DNAAF4: variants seen among roughly 807,000 people sequenced by gnomAD.
The protein encoded by DNAAF4 is dynein assembly factor 4, axonemal.
A neutral mutation model predicts 51.8 loss-of-function variants in DNAAF4; 43 were observed. That is an observed-to-expected ratio of 0.83 (90% CI 0.65 to 1.07). The LOEUF is 1.07. Ranked by LOEUF, DNAAF4 falls within the 50% of genes least tolerant of loss-of-function variation. DNAAF4 has a pLI of 0.00. For missense variants in DNAAF4, 581 were observed against 493.0 expected (o/e 1.18, Z -1.69); for synonymous variants, 194 against 165.6 (o/e 1.17, Z -1.32).
intron 7 of DNAAF4, among the ~76,000 whole-genome samples, chr15:55,435,399 T>C (rs904358333): frequency 5.3e-5 from 8 of 152,180 alleles, no homozygotes; most frequent in African/African-American, 1.7e-4. Flanking sequence ...AGTTGAAGAA[T>C]GAAAAGTTGG....
At chr15:55,488,201 C>A (rs986688024) in intron 4 of DNAAF4, among the ~76,000 whole-genome samples, 1 of 151,670 alleles carries the variant, frequency 6.6e-6, no homozygotes, top group Admixed American at 6.6e-5. Context: ...CCCTACCAGA[C>A]CTTGATCTAT....
intron 3 of DNAAF4, among the ~76,000 whole-genome samples, chr15:55,496,065 C>G (rs144685980): frequency 0.01 from 1,545 of 152,200 alleles, 21 homozygotes; most frequent in African/African-American, 0.035. Flanking sequence ...CTTGTCTCTA[C>G]TAAAAAATAC....
At chr15:55,456,413 T>G (rs1397328312) in intron 5 of DNAAF4, among the ~76,000 whole-genome samples, 2 of 152,130 alleles carry the variant, frequency 1.3e-5, no homozygotes, top group African/African-American at 4.8e-5. Flanking sequence ...TTTAATATTC[T>G]AAAATTAGAT....
chr15:55,455,119 C>T (rs200438690), intron 5 of DNAAF4, among the ~76,000 whole-genome samples: 4 of 141,386 alleles, frequency 2.8e-5, no homozygotes, highest in African/African-American at 1.0e-4. Context: ...GAAACTGAAT[C>T]TTTTTTTTTT....
chr15:55,433,823 TA>T (rs2057540180), intron 8 of DNAAF4, among the ~76,000 whole-genome samples: 1 of 86,046 alleles, frequency 1.2e-5, no homozygotes, highest in African/African-American at 4.4e-5. Context: ...ATATATATTA[TA>T]TATATTACAT....
intron 4 of DNAAF4, 178 bp downstream of exon 4, chr15:55,490,945 C>T (rs940631014): frequency 3.2e-6 from 2 of 618,394 alleles, no homozygotes; most frequent in African/African-American, 1.9e-5. Context: ...CAGAGTGAGA[C>T]TCGGTCTCAA....
chr15:55,460,440 A>C (rs912922194), intron 5 of DNAAF4, among the ~76,000 whole-genome samples: 3 of 152,110 alleles, frequency 2.0e-5, no homozygotes, highest in African/African-American at 4.8e-5. Context: ...TCGGCCTCCC[A>C]AAGTGCTGAG....
At chr15:55,468,109 T>C (rs1344496493) in intron 4 of DNAAF4, among the ~76,000 whole-genome samples, 4 of 152,222 alleles carry the variant, frequency 2.6e-5, no homozygotes, top group Admixed American at 6.5e-5. Flanking sequence ...GAATTTTTAA[T>C]GTTATTTAAG....
At chr15:55,440,065 AT>A (rs539658755) in intron 6 of DNAAF4, among the ~76,000 whole-genome samples, 189 of 146,846 alleles carry the variant, frequency 1.3e-3, no homozygotes, top group South Asian at 5.6e-3. Context: ...GATGGTGGTA[AT>A]TTTTTTTTTT....
Position 55,467,100 on chromosome 15 carries a change from G to C in DNAAF4, c.467C>G (p.Thr156Ser), listed in dbSNP as rs111976189. 1.6e-5 allele frequency: 25 copies of C among 1,546,098 alleles called. 1 individual carries two copies. In the African/African-American group the frequency reaches 1.8e-4, roughly 11 times the overall value. Reference sequence around the variant, plus strand: ...TTCTTTCCAGGCTTCCAATGCTTTAGTGGCTTTTATCCGTTCATTTTCTTT... The same window carrying C: ...TTCTTTCCAGGCTTCCAATGCTTTACTGGCTTTTATCCGTTCATTTTCTTT... ...DMKENERIKA[T>S]KALEAWKEYQ... Residue 156 changes from threonine (T) to serine (S), a missense_variant, in exon 5 of 10, where the codon ACT (threonine) becomes AGT (serine). Physicochemically the swap from Thr to Ser is moderately conservative, Grantham distance 58. Coordinates refer to ENST00000321149, the MANE Select transcript of DNAAF4 (RefSeq NM_130810.4).
Position 55,498,458 on chromosome 15 carries a change from T to G in DNAAF4, c.-129A>C, listed in dbSNP as rs116763274. On this transcript the variant is annotated 5_prime_UTR_variant, in exon 2 of 10. Coordinates refer to ENST00000321149, the MANE Select transcript of DNAAF4 (RefSeq NM_130810.4). ...GGCCGGGAGCCCGGCGTTCCCAGCG[T>G]GCTCCGGCGCCAGCACCTCGCGGAC... 3.0e-3 allele frequency: 4,188 copies of G among 1,408,496 alleles called. 111 individuals carry two copies. The African/African-American group carries it at 0.055, about 19-fold the overall frequency. 87.2% of individuals were successfully genotyped at this position (1,408,496 alleles called of 1,614,324 possible). A position where few individuals can be genotyped will look rare whatever the true frequency, so the allele number is the denominator to read the frequency against.
At chr15:55,498,963 A>G (rs1748944831) in intron 1 of DNAAF4, among the ~76,000 whole-genome samples, 1 of 151,692 alleles carries the variant, frequency 6.6e-6, no homozygotes, top group Admixed American at 6.6e-5. Flanking sequence ...AAGCACTTCC[A>G]GCCTCATAAT....
At chr15:55,439,667 G>A in intron 6 of DNAAF4, 86 bp from the exon 7 acceptor site, 1 of 1,183,410 alleles carries the variant, frequency 8.5e-7, no homozygotes. Flanking sequence ...TTCCTCCAGT[G>A]GATTGAAATA....
At chr15:55,429,870 C>G (rs957584295), downstream of DNAAF4, among the ~76,000 whole-genome samples, 4 of 151,490 alleles carry the variant, frequency 2.6e-5, no homozygotes, top group Non-Finnish European at 5.9e-5. Flanking sequence ...ACAGTAACTA[C>G]AAGCAAAAGG....
downstream of DNAAF4, among the ~76,000 whole-genome samples, chr15:55,426,433 C>T (rs570174203): frequency 6.6e-6 from 1 of 152,208 alleles, no homozygotes; most frequent in Non-Finnish European, 1.5e-5. Flanking sequence ...TAAGTTCCTC[C>T]CAAAGTTAGT....
At chr15:55,488,703 C>G (rs1244282195) in intron 4 of DNAAF4, among the ~76,000 whole-genome samples, 2 of 152,162 alleles carry the variant, frequency 1.3e-5, no homozygotes, top group African/African-American at 2.4e-5. Flanking sequence ...AGGTTCTGTC[C>G]TCTTAATATA....
intron 7 of DNAAF4, among the ~76,000 whole-genome samples, chr15:55,424,363 T>C (rs538260785): frequency 2.6e-5 from 4 of 152,206 alleles, no homozygotes; most frequent in Non-Finnish European, 5.9e-5. Context: ...TAAATCTCTG[T>C]CCTTTATAAA....
chr15:55,442,989 T>A, intron 6 of DNAAF4: 1 of 1,611,478 alleles, frequency 6.2e-7, no homozygotes, highest in Non-Finnish European at 8.5e-7. Context: ...ACATCACGTA[T>A]TCAAAGCCCA....
rs1167362429 is a variant in DNAAF4, at chr15:55,473,314, T to C, written c.406-6153A>G. 2.8e-5 allele frequency among the ~76,000 whole-genome samples: 4 copies of C among 143,314 alleles called. No individual in the cohort carries two copies. The East Asian group carries it at 8.0e-4, about 29-fold the overall frequency. The allele number at this position is 143,314 out of a possible 152,430, so 94.0% of individuals were successfully genotyped here. On this transcript the variant is annotated intron_variant, in intron 4 of 9. Coordinates refer to ENST00000321149, the MANE Select transcript of DNAAF4 (RefSeq NM_130810.4). Reference sequence around the variant, plus strand: ...ATATATGTGTATATATATGTGTGTATATATGTGTGTATATATATGTGTGTA... The same window carrying C: ...ATATATGTGTATATATATGTGTGTACATATGTGTGTATATATATGTGTGTA...
Sources: allele counts gnomAD v4.1 joint callset (sites outside exome capture counted in the v4.1 genomes callset), GRCh38; gene constraint gnomAD v4.1.1; transcripts MANE v1.5; gene names NCBI Gene and HGNC (gene_info 2026-07-23, HGNC 2026-07-21).